The following P2RX6 variants were observed in gnomAD, a reference collection of about 807,000 sequenced individuals.
P2RX6 encodes P2X purinoceptor 6.
P2RX6 carries 62 observed loss-of-function variants against 54.2 expected under a neutral mutation model. The ratio of observed to expected loss-of-function variants is 1.14; its 90% confidence interval spans 0.93 to 1.41. The LOEUF is 1.41. Among genes scored for constraint, P2RX6 ranks in the 40% most tolerant of loss-of-function variants. P2RX6 has a pLI of 0.00. For missense variants in P2RX6, 541 were observed against 566.3 expected, an observed-to-expected ratio of 0.96 and a Z score of 0.45; for synonymous variants, 211 against 231.9, an observed-to-expected ratio of 0.91 and a Z score of 0.82.
At chr22:21,017,942 C>G in intron 2 of P2RX6, 47 bp from the exon 3 acceptor site, 1 of 1,264,634 alleles carries the variant, frequency 7.9e-7, no homozygotes, top group Non-Finnish European at 1.2e-6. Flanking sequence ...CCGGCCTTTC[C>G]AGTCAACACG....
At chr22:21,019,077 C>T (rs1926920471) in intron 3 of P2RX6, among the ~76,000 whole-genome samples, 1 of 152,172 alleles carries the variant, frequency 6.6e-6, no homozygotes, top group African/African-American at 2.4e-5. Context: ...TGTCACAGAG[C>T]ATGCTCATTC....
At chr22:21,010,557 C>T (rs1456670982), upstream of P2RX6, among the ~76,000 whole-genome samples, 1 of 152,090 alleles carries the variant, frequency 6.6e-6, no homozygotes, top group Non-Finnish European at 1.5e-5. Flanking sequence ...AATGCAGATT[C>T]ACTGGCATTC....
upstream of P2RX6, among the ~76,000 whole-genome samples, chr22:21,012,333 G>C (rs993826962): frequency 1.3e-5 from 2 of 152,150 alleles, no homozygotes; most frequent in Admixed American, 1.3e-4. Context: ...GAAGGGACTT[G>C]TATCCAGCAT....
intron 3 of P2RX6, among the ~76,000 whole-genome samples, chr22:21,022,136 G>A (rs1428433142): frequency 6.6e-6 from 1 of 152,176 alleles, no homozygotes; most frequent in East Asian, 1.9e-4. Flanking sequence ...GGGAGGCTGA[G>A]ACAGAAGGAT....
intron 3 of P2RX6, 31 bp downstream of exon 3, chr22:21,018,091 C>T: frequency 6.6e-7 from 1 of 1,506,296 alleles, no homozygotes; most frequent in East Asian, 2.3e-5. Flanking sequence ...CCCAGCGGGT[C>T]CCTTGTTCCT....
intron 3 of P2RX6, among the ~76,000 whole-genome samples, chr22:21,021,840 G>A (rs1037880603): frequency 6.6e-6 from 1 of 152,186 alleles, no homozygotes; most frequent in Non-Finnish European, 1.5e-5. Flanking sequence ...CCAGGTTACA[G>A]AAGAGCGAGC....
rs544080781 is a variant in P2RX6 at position 21,016,580 on chromosome 22, C to G, written c.315+488C>G. On this transcript the variant is annotated intron_variant, in intron 2 of 11. Transcript: ENST00000413302. ...CTCCAGCCTGGGTGGCAAAGCGAGACTCTGTCTCAAAAAAAAAAAAAAAAA... is the reference window on the plus strand; with the variant it reads ...CTCCAGCCTGGGTGGCAAAGCGAGAGTCTGTCTCAAAAAAAAAAAAAAAAA... Among the ~76,000 whole-genome samples the G allele has an allele frequency of 1.2e-3, 139 of 115,114 alleles. 2 individuals carry two copies. Among genetic ancestry groups the G allele is most frequent in the East Asian group, 1.6e-3 (6 of 3,846 alleles). The allele number at this position is 115,114 out of a possible 152,430, so 75.5% of individuals were successfully genotyped here.
At chr22:21,017,859 G>A in intron 2 of P2RX6, 130 bp from the exon 3 acceptor site, 2 of 715,186 alleles carry the variant, frequency 2.8e-6, no homozygotes, top group Non-Finnish European at 5.2e-6. Context: ...GCTTCAGTCT[G>A]CCTTACAGGG....
Position 21,025,952 on chromosome 22 carries a change from T to C in P2RX6, c.984+54T>C, listed in dbSNP as rs372927075. 181 of 1,585,416 alleles carry C rather than the reference T, an allele frequency of 1.1e-4. No individual in the cohort carries two copies. In the African/African-American group the frequency reaches 2.0e-3, roughly 18 times the overall value. On this transcript the variant is annotated intron_variant, in intron 9 of 11. Coordinates refer to ENST00000413302, the MANE Select transcript of P2RX6 (RefSeq NM_005446.5). ...ATGGGATGGGGCAGGCAGACAGGGCTGGAGGAGGCATGAGGCTGACAGTCG... is the reference window on the plus strand; with the variant it reads ...ATGGGATGGGGCAGGCAGACAGGGCCGGAGGAGGCATGAGGCTGACAGTCG...
rs781038546 is a variant in P2RX6, at chr22:21,026,442, C to T, written c.1151C>T (p.Ala384Val). The T allele has an allele frequency of 6.2e-7, 1 of 1,602,982 alleles. No individual in the cohort carries two copies. Among genetic ancestry groups the T allele is most frequent in the Non-Finnish European group, 8.5e-7 (1 of 1,175,224 alleles). ...YEEAKAPKAT[A>V]NSVWRELALA... ...CAGGCCAAGGCCCCGAAAGCAACCG[C>T]CAACTCTGTGTGGAGGGAGCTGGCC... Residue 384 changes from alanine (A) to valine (V), a missense_variant, in exon 12 of 12, where the codon GCC becomes GTC. This residue lies in a region of P2RX6 where 526 missense variants were observed against 531.5 expected (regional missense o/e 0.99). Transcript: ENST00000413302. This position sits in a 1 kb window ranked among gnomAD's most constrained non-coding sequence, Gnocchi z 4.0.
intron 4 of P2RX6, 64 bp from the exon 5 acceptor site, chr22:21,022,877 CT>C: frequency 1.3e-6 from 2 of 1,528,274 alleles, no homozygotes; most frequent in Non-Finnish European, 1.8e-6. Context: ...CAACAACCCC[CT>C]GGCTGAAGGC....
chr22:21,010,673 A>T (rs578005701), upstream of P2RX6, among the ~76,000 whole-genome samples: 2 of 152,274 alleles, frequency 1.3e-5, no homozygotes, highest in South Asian at 4.1e-4. Flanking sequence ...AGGCAGGTAG[A>T]AGTGCAAATT....
At position 21,024,878 on chromosome 22, in the gene P2RX6, G is replaced by GT. The variant is rs562371289; in HGVS notation, c.891-907dup. The stretch of plus-strand genomic sequence containing the variant: ...GAGCCACCAAGCCTGTTTTTTTTGT[G>GT]TTTTTTTTTTTTTTTTTTTTAGATG... On this transcript the variant is annotated intron_variant, in intron 8 of 11. Coordinates refer to ENST00000413302, the MANE Select transcript of P2RX6 (RefSeq NM_005446.5). Among the ~76,000 whole-genome samples the GT allele has an allele frequency of 4.1e-3, 458 of 110,728 alleles. 9 individuals carry two copies. The highest frequency in any genetic ancestry group is 7.0e-3 in the South Asian group (22 of 3,164). 72.6% of individuals were successfully genotyped at this position (110,728 alleles called of 152,430 possible). A position where few individuals can be genotyped will look rare whatever the true frequency, so the allele number is the denominator to read the frequency against.
intron 3 of P2RX6, among the ~76,000 whole-genome samples, chr22:21,021,967 A>G (rs973520878): frequency 6.6e-6 from 1 of 150,968 alleles, no homozygotes; most frequent in Non-Finnish European, 1.5e-5. Context: ...GGCATCAAAA[A>G]CTCACCCTCC....
intron 1 of P2RX6, chr22:21,009,972 TG>T (rs1925647448): frequency 6.6e-6 from 1 of 152,304 alleles, no homozygotes; most frequent in Non-Finnish European, 1.5e-5. Context: ...GCCCTGTTTT[TG>T]CTGAACAGCT....
intron 3 of P2RX6, among the ~76,000 whole-genome samples, chr22:21,020,281 C>T (rs1439665598): frequency 6.6e-6 from 1 of 152,178 alleles, no homozygotes; most frequent in Admixed American, 6.5e-5. Context: ...AGGGCTGGGT[C>T]GTAATTATCA....
chr22:21,026,915 A>C lies in P2RX6; in HGVS notation c.*298A>C. ...GGGCTCCTGCTGCGTCTGGGCCTGG[A>C]GGTCTCTCTCCCAGTGCTCTGTCCC... On this transcript the variant is annotated 3_prime_UTR_variant, in exon 12 of 12. Coordinates refer to ENST00000413302, the MANE Select transcript of P2RX6 (RefSeq NM_005446.5). This position sits in a 1 kb window ranked among gnomAD's most constrained non-coding sequence, Gnocchi z 4.0. 1 of 484,740 alleles carries C rather than the reference A, an allele frequency of 2.1e-6. No homozygotes were observed. 30.0% of individuals were successfully genotyped at this position (484,740 alleles called of 1,614,324 possible).
intron 3 of P2RX6, among the ~76,000 whole-genome samples, chr22:21,019,616 C>T (rs28728206): frequency 2.0e-3 from 304 of 152,318 alleles, no homozygotes; most frequent in African/African-American, 6.7e-3. Flanking sequence ...AGAGCTTGGT[C>T]GGGGAGACCT....
chr22:21,015,914 A>G (rs1190751803), intron 1 of P2RX6, 28 bp from the exon 2 acceptor site: 2 of 1,547,998 alleles, frequency 1.3e-6, no homozygotes, highest in African/African-American at 1.4e-5. Context: ...CTGGGGACAC[A>G]CCACACTGCC....
Sources: gnomAD v4.1 joint callset for allele counts (sites outside exome capture counted in the v4.1 genomes callset) on GRCh38, gnomAD v4.1.1 for gene constraint, gnomAD v4.1.1 regional missense constraint, Gnocchi (gnomAD v3.1) non-coding constraint, MANE v1.5 for transcripts, NCBI Gene and HGNC (gene_info 2026-07-23, HGNC 2026-07-21) for gene names.